Variants in ASPH observed in about 807,000 individuals in gnomAD.
ASPH encodes the protein aspartate beta-hydroxylase.
In ASPH, 100 loss-of-function variants were observed where a neutral mutation model predicts 118.4. The observed-to-expected ratio is 0.84, with a 90% CI of 0.72 to 1.00. The LOEUF is 1.00. ASPH is among the 50% of genes least tolerant of loss of function. The pLI is 0.00. For synonymous variants in ASPH, 315 were observed against 325.6 expected (o/e 0.97, Z 0.35); for missense variants, 920 against 919.5 (o/e 1.00, Z -0.01).
chr8:61,636,050 A>T (rs1229542352), intron 12 of ASPH, among the ~76,000 whole-genome samples: 1 of 152,202 alleles, frequency 6.6e-6, no homozygotes, highest in African/African-American at 2.4e-5. Context: ...TTTATTGCTT[A>T]AGCCAGTTTG....
rs1419566960 is a variant in ASPH at position 61,714,418 on chromosome 8, G to A, written c.-47C>T. ...TGAGGGCTGGCGGACCTCCTTCAGT[G>A]CGCGGGGGTACACACGCGACGCGGG... On this transcript the variant is annotated 5_prime_UTR_variant, in exon 1 of 25. Transcript: ENST00000379454. 1.4e-6 allele frequency: 2 copies of A among 1,409,506 alleles called. No individual in the cohort carries two copies. Among genetic ancestry groups the A allele is most frequent in the Non-Finnish European group, 1.9e-6 (2 of 1,077,912 alleles). 87.3% of individuals were successfully genotyped at this position (1,409,506 alleles called of 1,614,324 possible).
At chr8:61,507,387 C>T (rs1028249109) in intron 24 of ASPH, among the ~76,000 whole-genome samples, 5 of 152,150 alleles carry the variant, frequency 3.3e-5, no homozygotes, top group South Asian at 2.1e-4. Flanking sequence ...TGAGTGCTGT[C>T]GGACTTATTT....
intron 14 of ASPH, among the ~76,000 whole-genome samples, chr8:61,600,328 G>T (rs1843626220): frequency 6.8e-6 from 1 of 147,532 alleles, no homozygotes; most frequent in African/African-American, 2.7e-5. Flanking sequence ...ATAAGAAAAA[G>T]GTGTTTACTT....
At chr8:61,691,668 A>C (rs1832688826) in intron 1 of ASPH, among the ~76,000 whole-genome samples, 1 of 152,170 alleles carries the variant, frequency 6.6e-6, no homozygotes, top group African/African-American at 2.4e-5. Context: ...ATACTTAGAC[A>C]CCTGGATTTG....
Position 61,714,570 on chromosome 8 carries a change from C to G in ASPH, c.-199G>C. 1.3e-6 allele frequency: 1 copy of G among 769,334 alleles called. No individual in the cohort carries two copies. Among genetic ancestry groups the G allele is most frequent in the Non-Finnish European group, 1.8e-6 (1 of 556,024 alleles). The allele number at this position is 769,334 out of a possible 1,614,324, so 47.7% of individuals were successfully genotyped here. A position where few individuals can be genotyped will look rare whatever the true frequency, so the allele number is the denominator to read the frequency against. ...CGCCTGCCGGCTGCGCGCGCCCGGC[C>G]TCGCGTGTACGAACCTGTGACTCCC... On this transcript the variant is annotated 5_prime_UTR_variant, in exon 1 of 25. Coordinates refer to ENST00000379454, the MANE Select transcript of ASPH (RefSeq NM_004318.4).
At chr8:61,596,677 G>A (rs114896440) in intron 14 of ASPH, among the ~76,000 whole-genome samples, 147 of 152,152 alleles carry the variant, frequency 9.7e-4, no homozygotes, top group African/African-American at 3.3e-3. Flanking sequence ...ACACTACTGC[G>A]CCAGCCCAGA....
At chr8:61,548,586 T>A (rs1824746284) in intron 20 of ASPH, among the ~76,000 whole-genome samples, 1 of 152,178 alleles carries the variant, frequency 6.6e-6, no homozygotes, top group Non-Finnish European at 1.5e-5. Context: ...AGAAAAAGAT[T>A]ATGATTTTAA....
At chr8:61,665,475 C>G in intron 3 of ASPH, 1 of 1,570,134 alleles carries the variant, frequency 6.4e-7, no homozygotes, top group Non-Finnish European at 8.7e-7. Context: ...CTGGATAGGT[C>G]TGCATCAGCA....
intron 22 of ASPH, among the ~76,000 whole-genome samples, chr8:61,521,847 G>T (rs1360027866): frequency 1.3e-5 from 2 of 152,124 alleles, no homozygotes; most frequent in Non-Finnish European, 2.9e-5. Flanking sequence ...TGATATCCTG[G>T]GTTGTATCTT....
intron 14 of ASPH, among the ~76,000 whole-genome samples, chr8:61,585,469 T>C (rs1460344119): frequency 6.6e-6 from 1 of 152,204 alleles, no homozygotes; most frequent in Non-Finnish European, 1.5e-5. Context: ...GCTTCTTCCC[T>C]ATCTTGTCAC....
intron 21 of ASPH, among the ~76,000 whole-genome samples, chr8:61,527,060 C>T (rs1255245281): frequency 6.6e-6 from 1 of 152,124 alleles, no homozygotes; most frequent in Admixed American, 6.5e-5. Flanking sequence ...TATATAGATT[C>T]ATGGACAGGG....
intron 3 of ASPH, among the ~76,000 whole-genome samples, chr8:61,666,605 G>C (rs1185764792): frequency 4.6e-5 from 7 of 152,104 alleles, no homozygotes; most frequent in African/African-American, 1.7e-4. Flanking sequence ...CATTAGATTT[G>C]CAGTGCTCAC....
In ASPH at chr8:61,501,368, A is replaced by ACCTT. The variant is rs1487192337; in HGVS notation, c.*1987_*1990dup. 1 of 152,178 alleles carries ACCTT rather than the reference A, an allele frequency of 6.6e-6. No individual in the cohort carries two copies. The allele number at this position is 152,178 out of a possible 1,614,324, so 9.4% of individuals were successfully genotyped here. On this transcript the variant is annotated 3_prime_UTR_variant, in exon 25 of 25. Transcript: ENST00000379454. ...AGCTTTTCAATTGGCAATACTTAGA[A>ACCTT]CCTTACTGTAGTGACCTGATTTTAA...
intron 22 of ASPH, among the ~76,000 whole-genome samples, chr8:61,519,309 C>T (rs1052356826): frequency 1.3e-5 from 2 of 152,008 alleles, no homozygotes; most frequent in African/African-American, 4.8e-5. Context: ...CCTAATTTTT[C>T]TTAATTTTAA....
chr8:61,650,573 T>G (rs1810440728), intron 5 of ASPH, among the ~76,000 whole-genome samples: 1 of 152,212 alleles, frequency 6.6e-6, no homozygotes, highest in Non-Finnish European at 1.5e-5. Context: ...AATTTTTAAA[T>G]TTAAGTACTG....
intron 1 of ASPH, among the ~76,000 whole-genome samples, chr8:61,686,917 AT>A (rs893226049): frequency 2.6e-5 from 4 of 152,100 alleles, no homozygotes; most frequent in Non-Finnish European, 4.4e-5. Flanking sequence ...TTCATCCAAC[AT>A]TTTTATTCAG....
At chr8:61,706,866 G>A (rs771123804) in intron 1 of ASPH, among the ~76,000 whole-genome samples, 6 of 152,158 alleles carry the variant, frequency 3.9e-5, no homozygotes, top group Admixed American at 6.5e-5. Context: ...GCAGACTACG[G>A]TAAAAAGATG....
chr8:61,582,895 C>T lies in ASPH; in HGVS notation c.1062+1049G>A, dbSNP rs529371735. ...TAGAGAAACAAATTTCCGCCAAAAA[C>T]AAGGAGATGATTAATTGAAGATATG... is the stretch of plus-strand genomic sequence containing the variant. On this transcript the variant is annotated intron_variant, in intron 15 of 24. Transcript: ENST00000379454. The T allele has an allele frequency of 2.6e-5, 4 of 152,108 alleles. No homozygotes were observed. The South Asian group carries it at 8.3e-4, about 32-fold the overall frequency. 9.4% of individuals were successfully genotyped at this position (152,108 alleles called of 1,614,324 possible). A position where few individuals can be genotyped will look rare whatever the true frequency, so the allele number is the denominator to read the frequency against.
intron 12 of ASPH, 143 bp downstream of exon 12, chr8:61,637,804 A>C (rs890195324): frequency 2.5e-5 from 18 of 709,132 alleles, no homozygotes; most frequent in African/African-American, 5.7e-5. Context: ...CAATGAAAAG[A>C]GGACTCTGTG....
Sources: allele counts gnomAD v4.1 joint callset (sites outside exome capture counted in the v4.1 genomes callset), GRCh38; gene constraint gnomAD v4.1.1; transcripts MANE v1.5; gene names NCBI Gene and HGNC (gene_info 2026-07-23, HGNC 2026-07-21).